The following BCKDHB variants were observed in gnomAD, a reference collection of about 807,000 sequenced individuals.
BCKDHB encodes the protein 2-oxoisovalerate dehydrogenase subunit beta, mitochondrial.
A neutral mutation model predicts 48.5 loss-of-function variants in BCKDHB; 41 were observed. The ratio of observed to expected loss-of-function variants is 0.85; its 90% CI spans 0.66 to 1.10. The LOEUF (loss-of-function observed/expected upper bound fraction) is 1.10, where lower values mean the gene tolerates loss of function less well. Ranked by LOEUF, BCKDHB falls within the 50% of genes least tolerant of loss-of-function variation. The probability of loss-of-function intolerance (pLI) is 0.00; values close to 1 mark genes in which losing one functional copy is unlikely to be tolerated. For missense variants in BCKDHB, 496 were observed against 494.2 expected (o/e 1.00, Z -0.03); for synonymous variants, 201 against 174.8 (o/e 1.15, Z -1.18).
At position 80,203,219 on chromosome 6, in the gene BCKDHB, A is replaced by C. The variant is rs2127827133; in HGVS notation, c.951+7A>C. The C allele has an allele frequency of 6.5e-7, 1 of 1,546,248 alleles. No individual in the cohort carries two copies. On this transcript the variant is annotated splice_region_variant and intron_variant, in intron 8 of 9. Transcript: ENST00000320393. ...TGTGGACACAATTTGTAAGGTATGAATATAATGGTGATAGAATGTCATTTC... is the reference window on the plus strand; with the variant it reads ...TGTGGACACAATTTGTAAGGTATGACTATAATGGTGATAGAATGTCATTTC...
At position 80,176,031 on chromosome 6, in the gene BCKDHB, G is replaced by A. The variant is rs193232104; in HGVS notation, c.742+4641G>A. On this transcript the variant is annotated intron_variant, in intron 6 of 9. Coordinates refer to ENST00000320393, the MANE Select transcript of BCKDHB (RefSeq NM_183050.4). The stretch of plus-strand genomic sequence containing the variant: ...CTCCAAGGCTTAGTGTAGGAAAAAC[G>A]TTGGCTGCTAGGAGACCGGGTAGGC... Among the ~76,000 whole-genome samples the A allele has an allele frequency of 1.6e-4, 25 of 152,256 alleles. No individual in the cohort carries two copies. The East Asian group carries it at 3.5e-3, about 21-fold the overall frequency.
chr6:80,317,398 T>A (rs902253013), intron 9 of BCKDHB, among the ~76,000 whole-genome samples: 3 of 152,216 alleles, frequency 2.0e-5, no homozygotes, highest in Non-Finnish European at 4.4e-5. Flanking sequence ...ATCTGTTTCC[T>A]AGCCCCATCT....
At chr6:80,171,250 TA>T in intron 5 of BCKDHB, 31 bp from the exon 6 acceptor site, 1 of 1,363,872 alleles carries the variant, frequency 7.3e-7, no homozygotes, top group Non-Finnish European at 1.0e-6. Context: ...ATATTTTTAC[TA>T]AAATTGTCTT....
At chr6:80,253,578 T>A (rs1776919601) in intron 8 of BCKDHB, among the ~76,000 whole-genome samples, 1 of 151,994 alleles carries the variant, frequency 6.6e-6, no homozygotes, top group Non-Finnish European at 1.5e-5. Flanking sequence ...AGCATAAACT[T>A]CCAAAGGAAA....
chr6:80,239,424 C>G (rs1223493901), intron 8 of BCKDHB, among the ~76,000 whole-genome samples: 2 of 152,040 alleles, frequency 1.3e-5, no homozygotes, highest in African/African-American at 2.4e-5. Context: ...CTGTTCATAT[C>G]CTTCGCCCAC....
At chr6:80,366,433 C>T in the BCKDHB span, among the ~76,000 whole-genome samples, 2 of 152,132 alleles carry the variant, frequency 1.3e-5, no homozygotes, top group Non-Finnish European at 2.9e-5. Flanking sequence ...TAGTCAGCAA[C>T]ATTTCTCTTT....
intron 3 of BCKDHB, among the ~76,000 whole-genome samples, chr6:80,130,651 A>G (rs959808286): frequency 2.6e-5 from 4 of 152,190 alleles, no homozygotes; most frequent in Non-Finnish European, 2.9e-5. Flanking sequence ...TACACATTTG[A>G]TTTCAAAAGT....
At chr6:80,210,195 A>G (rs984918964) in intron 8 of BCKDHB, among the ~76,000 whole-genome samples, 3 of 151,550 alleles carry the variant, frequency 2.0e-5, no homozygotes, top group Admixed American at 6.6e-5. Context: ...GTAGCCCCAC[A>G]CTGTAAACTG....
chr6:80,370,446 GT>G, the BCKDHB span, among the ~76,000 whole-genome samples: 1 of 152,018 alleles, frequency 6.6e-6, no homozygotes, highest in Non-Finnish European at 1.5e-5. Context: ...GTGGTCTTTT[GT>G]TACATGAGTA....
chr6:80,322,242 T>TC lies in BCKDHB; in HGVS notation c.1039-21422_1039-21421insC, dbSNP rs1401710223. 1.8e-4 allele frequency among the ~76,000 whole-genome samples: 19 copies of TC among 107,012 alleles called. No individual in the cohort carries two copies. The East Asian group carries it at 2.1e-3, about 12-fold the overall frequency. The allele number at this position is 107,012 out of a possible 152,430, so 70.2% of individuals were successfully genotyped here. On this transcript the variant is annotated intron_variant, in intron 9 of 9. Transcript: ENST00000320393. ...GGCGTTTTCTTTCTTTCTTTTCTTT[T>TC]TTTTTTTTTTTTTGGTGACGGAGTC... is the stretch of plus-strand genomic sequence containing the variant.
At chr6:80,246,558 T>G (rs1776623035) in intron 8 of BCKDHB, among the ~76,000 whole-genome samples, 1 of 152,148 alleles carries the variant, frequency 6.6e-6, no homozygotes, top group Non-Finnish European at 1.5e-5. Context: ...CATGAGAATG[T>G]TTTTTTATCT....
intron 3 of BCKDHB, among the ~76,000 whole-genome samples, chr6:80,154,489 G>C (rs1473416590): frequency 6.6e-6 from 1 of 152,014 alleles, no homozygotes; most frequent in Non-Finnish European, 1.5e-5. Context: ...ATTCATTAAA[G>C]ATCTTATCTA....
chr6:80,240,409 A>G (rs894401900), intron 8 of BCKDHB, among the ~76,000 whole-genome samples: 13 of 152,098 alleles, frequency 8.5e-5, no homozygotes, highest in African/African-American at 3.1e-4. Context: ...ATTCCTAGGT[A>G]TTTTATTCTC....
At chr6:80,166,996 A>G (rs796683317) in intron 3 of BCKDHB, among the ~76,000 whole-genome samples, 6 of 151,922 alleles carry the variant, frequency 3.9e-5, no homozygotes, top group African/African-American at 1.4e-4. Context: ...ATCATCTCCC[A>G]CTATGTGGTG....
At chr6:80,358,961 G>A in the BCKDHB span, among the ~76,000 whole-genome samples, 1 of 152,158 alleles carries the variant, frequency 6.6e-6, no homozygotes, top group Admixed American at 6.5e-5. Flanking sequence ...TGAATAATGA[G>A]GCAGCAAATC....
At chr6:80,409,965 A>T in the BCKDHB span, among the ~76,000 whole-genome samples, 1 of 152,008 alleles carries the variant, frequency 6.6e-6, no homozygotes, top group Non-Finnish European at 1.5e-5. Flanking sequence ...TTATGATGTT[A>T]TGTGTGAATT....
At chr6:80,279,162 T>A (rs1387005572) in intron 9 of BCKDHB, among the ~76,000 whole-genome samples, 2 of 152,072 alleles carry the variant, frequency 1.3e-5, no homozygotes, top group Non-Finnish European at 2.9e-5. Context: ...TGTTTTGTTT[T>A]TTTGAGACAG....
intron 8 of BCKDHB, among the ~76,000 whole-genome samples, chr6:80,235,164 TTCC>T (rs1301546718): frequency 9.9e-5 from 15 of 152,198 alleles, no homozygotes; most frequent in African/African-American, 3.4e-4. Context: ...ATCTACAATG[TTCC>T]TAACACAAGG....
chr6:80,139,735 T>C (rs1015745190), intron 3 of BCKDHB, among the ~76,000 whole-genome samples: 6 of 151,946 alleles, frequency 3.9e-5, no homozygotes, highest in East Asian at 1.9e-4. Context: ...AGTCAGGTAG[T>C]GTGATGCCTC....
Sources: gnomAD v4.1 joint callset for allele counts (sites outside exome capture counted in the v4.1 genomes callset) on GRCh38, gnomAD v4.1.1 for gene constraint, MANE v1.5 for transcripts, NCBI Gene and HGNC (gene_info 2026-07-23, HGNC 2026-07-21) for gene names.